EDIL3: variants seen among roughly 807,000 people sequenced by gnomAD.
EDIL3 encodes EGF like and discoidin domains 3.
A neutral mutation model predicts 67.4 loss-of-function variants in EDIL3; 37 were observed. That is an observed-to-expected ratio of 0.55 (90% CI 0.42 to 0.72). The LOEUF (loss-of-function observed/expected upper bound fraction) is 0.72, where lower values mean the gene tolerates loss of function less well. EDIL3 is among the 30% of genes least tolerant of loss of function. EDIL3 has a pLI of 0.00. For missense variants in EDIL3, 527 were observed against 586.3 expected (o/e 0.90, Z 1.04); for synonymous variants, 195 against 196.3 (o/e 0.99, Z 0.05).
At chr5:84,024,583 G>A (rs1745778950) in intron 9 of EDIL3, among the ~76,000 whole-genome samples, 1 of 152,104 alleles carries the variant, frequency 6.6e-6, no homozygotes, top group Admixed American at 6.6e-5. Context: ...GGTAAAAGCT[G>A]GAGTAGGGAG....
intron 3 of EDIL3, among the ~76,000 whole-genome samples, chr5:84,209,689 A>T (rs565226787): frequency 6.6e-6 from 1 of 152,222 alleles, no homozygotes; most frequent in Admixed American, 6.5e-5. Context: ...CAGTAAGGCT[A>T]TTCTCAACTT....
chr5:83,988,688 G>C (rs569233435), intron 9 of EDIL3, among the ~76,000 whole-genome samples: 2 of 152,116 alleles, frequency 1.3e-5, no homozygotes, highest in Non-Finnish European at 2.9e-5. Context: ...TGTCAAATGA[G>C]AGCGGTATGA....
intron 5 of EDIL3, among the ~76,000 whole-genome samples, chr5:84,129,043 T>C (rs1328897868): frequency 6.6e-6 from 1 of 152,172 alleles, no homozygotes; most frequent in African/African-American, 2.4e-5. Flanking sequence ...TACTTGTTTG[T>C]CTTTCCTTTA....
intron 6 of EDIL3, among the ~76,000 whole-genome samples, chr5:84,073,637 C>A (rs1442310043): frequency 2.0e-5 from 3 of 151,918 alleles, no homozygotes; most frequent in Non-Finnish European, 2.9e-5. Flanking sequence ...ATCCAACTTA[C>A]AAGGGATGTG....
At chr5:84,324,149 A>G (rs1442704810) in intron 1 of EDIL3, among the ~76,000 whole-genome samples, 1 of 151,946 alleles carries the variant, frequency 6.6e-6, no homozygotes. Context: ...CATTTTCAGG[A>G]TAGACCATAT....
At position 83,941,326 on chromosome 5, in the gene EDIL3, T is replaced by C. The variant is rs1744219773; in HGVS notation, c.*2093A>G. The C allele has an allele frequency of 6.6e-6, 1 of 152,026 alleles. No homozygotes were observed. Among genetic ancestry groups the C allele is most frequent in the African/African-American group, 2.4e-5 (1 of 41,440 alleles). 9.4% of individuals were successfully genotyped at this position (152,026 alleles called of 1,614,324 possible). On this transcript the variant is annotated 3_prime_UTR_variant, in exon 11 of 11. Coordinates refer to ENST00000296591, the MANE Select transcript of EDIL3 (RefSeq NM_005711.5). Reference sequence around the variant, plus strand: ...TTTTTCTAAAAGGTAACAAATATAATTTTAATCAACTTCCTTGGAAAATAT... The same window carrying C: ...TTTTTCTAAAAGGTAACAAATATAACTTTAATCAACTTCCTTGGAAAATAT...
intron 3 of EDIL3, among the ~76,000 whole-genome samples, chr5:84,207,944 C>G (rs755865417): frequency 6.6e-6 from 1 of 152,022 alleles, no homozygotes; most frequent in South Asian, 2.1e-4. Flanking sequence ...CATAAAAACC[C>G]GAGAAGAAAA....
chr5:84,356,583 A>G (rs141043134), intron 1 of EDIL3, among the ~76,000 whole-genome samples: 3 of 152,316 alleles, frequency 2.0e-5, no homozygotes, highest in African/African-American at 7.2e-5. Flanking sequence ...CCTTGTAATT[A>G]CATTGAGCCC....
At chr5:84,136,070 T>C (rs1748087060) in intron 5 of EDIL3, among the ~76,000 whole-genome samples, 2 of 152,168 alleles carry the variant, frequency 1.3e-5, no homozygotes, top group South Asian at 4.1e-4. Context: ...GTGGTATGTG[T>C]CTGTGTCTGT....
At chr5:83,980,676 AAT>A (rs113580835) in intron 9 of EDIL3, among the ~76,000 whole-genome samples, 102,124 of 140,932 alleles carry the variant, frequency 0.72, 37,146 homozygotes, top group African/African-American at 0.82. Flanking sequence ...GAAAGATTGA[AAT>A]ATATATATAT....
chr5:84,340,773 G>T (rs916122076), intron 1 of EDIL3, among the ~76,000 whole-genome samples: 20 of 151,504 alleles, frequency 1.3e-4, no homozygotes, highest in African/African-American at 4.6e-4. Flanking sequence ...AAGATCAAAT[G>T]ATATGGCCCC....
chr5:84,303,761 TC>T (rs1476370970), intron 1 of EDIL3, among the ~76,000 whole-genome samples: 1 of 151,768 alleles, frequency 6.6e-6, no homozygotes, highest in Non-Finnish European at 1.5e-5. Flanking sequence ...GCTCTTTAAT[TC>T]CACTTCCCGG....
At chr5:84,328,743 CCTAA>C (rs747889208) in intron 1 of EDIL3, among the ~76,000 whole-genome samples, 91 of 152,090 alleles carry the variant, frequency 6.0e-4, no homozygotes, top group Middle Eastern at 3.4e-3. Flanking sequence ...AGTGCAGTTC[CCTAA>C]CTGAGGTAAA....
At chr5:83,963,101 G>A in intron 10 of EDIL3, 104 bp downstream of exon 10, 3 of 1,333,046 alleles carry the variant, frequency 2.3e-6, no homozygotes, top group Non-Finnish European at 3.0e-6. Context: ...CAGTATATAT[G>A]GATACTATTT....
intron 3 of EDIL3, among the ~76,000 whole-genome samples, chr5:84,209,259 C>A (rs551738873): frequency 4.6e-4 from 70 of 151,786 alleles, no homozygotes; most frequent in African/African-American, 1.2e-3. Flanking sequence ...TAGCATTAGG[C>A]GATACACCTA....
At chr5:84,117,024 T>TA (rs1207291569) in intron 5 of EDIL3, among the ~76,000 whole-genome samples, 20 of 123,812 alleles carry the variant, frequency 1.6e-4, no homozygotes, top group African/African-American at 6.9e-4. Flanking sequence ...GTACTTATTT[T>TA]TTTTTTTTTT....
In EDIL3 at chr5:84,338,280, T is replaced by C. The variant is rs763455605; in HGVS notation, c.67+46028A>G. Among the ~76,000 whole-genome samples, 6 of 152,228 alleles carry C rather than the reference T, an allele frequency of 3.9e-5. No homozygotes were observed. The Middle Eastern group carries it at 0.01, about 259-fold the overall frequency. ...TGTCCCTCTAACTTGCTTTGGCCAA[T>C]AGAATGCAAACAGGTGTGATATGAG... On this transcript the variant is annotated intron_variant, in intron 1 of 10. Transcript: ENST00000296591.
intron 9 of EDIL3, among the ~76,000 whole-genome samples, chr5:84,006,228 A>T (rs544138990): frequency 1.3e-5 from 2 of 152,156 alleles, no homozygotes; most frequent in Admixed American, 6.6e-5. Context: ...GCTCAAGAAT[A>T]GGAAGAATAA....
chr5:83,951,937 T>C (rs949015707), intron 10 of EDIL3, among the ~76,000 whole-genome samples: 2 of 151,784 alleles, frequency 1.3e-5, no homozygotes, highest in Admixed American at 1.3e-4. Flanking sequence ...ATACTTGTGA[T>C]TCCCTAGTCC....
Sources: gnomAD v4.1 joint callset for allele counts (sites outside exome capture counted in the v4.1 genomes callset) on GRCh38, gnomAD v4.1.1 for gene constraint, MANE v1.5 for transcripts, NCBI Gene and HGNC (gene_info 2026-07-23, HGNC 2026-07-21) for gene names.